SATB2: variants seen among roughly 807,000 people sequenced by gnomAD.
The protein encoded by SATB2 is DNA-binding protein SATB2.
Under a neutral mutation model 73.4 loss-of-function variants are expected in SATB2, and 1 was observed. That is an observed-to-expected ratio of 0.01 (90% CI 0.00 to 0.06). The LOEUF (loss-of-function observed/expected upper bound fraction) is 0.06, where lower values mean the gene tolerates loss of function less well. SATB2 is among the 10% of genes least tolerant of loss of function. The probability of loss-of-function intolerance (pLI) is 1.00; values close to 1 mark genes in which losing one functional copy is unlikely to be tolerated. For synonymous variants in SATB2, 397 were observed against 367.0 expected, an observed-to-expected ratio of 1.08 and a Z score of -0.93; for missense variants, 459 against 945.8, an observed-to-expected ratio of 0.49 and a Z score of 6.75.
At chr2:199,427,803 A>C (rs1030250424) in intron 3 of SATB2, among the ~76,000 whole-genome samples, 5 of 152,160 alleles carry the variant, frequency 3.3e-5, no homozygotes, top group African/African-American at 1.2e-4. Context: ...ATTTAAACTG[A>C]AAGAATATTC....
intron 3 of SATB2, among the ~76,000 whole-genome samples, chr2:199,391,769 C>G (rs901314237): frequency 9.2e-5 from 14 of 152,074 alleles, no homozygotes; most frequent in African/African-American, 1.4e-4. Context: ...TCACAACATA[C>G]ATGGTGATAA....
chr2:199,365,808 G>C (rs1176491216), intron 6 of SATB2, among the ~76,000 whole-genome samples: 1 of 151,616 alleles, frequency 6.6e-6, no homozygotes, highest in East Asian at 1.9e-4. Context: ...CCTTCCAGTA[G>C]ACTTTTATTT....
Position 199,308,053 on chromosome 2 carries a change from G to A in SATB2, c.1740+707C>T, listed in dbSNP as rs1687485764. Among the ~76,000 whole-genome samples, 2 of 152,052 alleles carry A rather than the reference G, an allele frequency of 1.3e-5. No homozygotes were observed. Among genetic ancestry groups the A allele is most frequent in the Non-Finnish European group, 2.9e-5 (2 of 67,998 alleles). ...GCCAAACTCTAGGGGGTCTAACGTT[G>A]GAAACCTCAACTAATATTTCTTCTT... On this transcript the variant is annotated intron_variant, in intron 10 of 10. Transcript: ENST00000417098. This position sits in a 1 kb window ranked among gnomAD's most constrained non-coding sequence, Gnocchi z 4.6.
chr2:199,436,555 A>T (rs777776514), intron 2 of SATB2, among the ~76,000 whole-genome samples: 15 of 152,218 alleles, frequency 9.9e-5, no homozygotes, highest in Non-Finnish European at 1.9e-4. Context: ...GAAGAATATC[A>T]TAAAGGGCTT....
At position 199,272,692 on chromosome 2, in the gene SATB2, A is replaced by G. The variant is rs1692197536; in HGVS notation, c.1741-20T>C. On this transcript the variant is annotated intron_variant, in intron 10 of 10. Coordinates refer to ENST00000417098, the MANE Select transcript of SATB2 (RefSeq NM_001172509.2). The surrounding 1 kb of genome is among the most constrained non-coding windows in gnomAD (Gnocchi z 6.7). ...AAGTACCTGATAATTAAGAGAGAAA[A>G]AAATGAACACTGGACTCATGATTTT... The G allele has an allele frequency of 6.2e-7, 1 of 1,602,724 alleles. No individual in the cohort carries two copies. The highest frequency in any genetic ancestry group is 8.5e-7 in the Non-Finnish European group (1 of 1,169,610).
chr2:199,273,550 T>C (rs1052356244), intron 10 of SATB2, among the ~76,000 whole-genome samples: 4 of 152,188 alleles, frequency 2.6e-5, no homozygotes, highest in African/African-American at 2.4e-5. Context: ...TAGTTTTGAG[T>C]CTTTTGATTT....
At chr2:199,461,618 CCT>C (rs1425626795), upstream of SATB2, among the ~76,000 whole-genome samples, 7 of 152,172 alleles carry the variant, frequency 4.6e-5, no homozygotes, top group African/African-American at 1.4e-4. Flanking sequence ...CATTTTTATC[CCT>C]CAGTTTCCTT....
chr2:199,388,575 T>G (rs1234660050), intron 3 of SATB2, among the ~76,000 whole-genome samples: 1 of 152,154 alleles, frequency 6.6e-6, no homozygotes, highest in East Asian at 1.9e-4. Flanking sequence ...CAGCAAGATA[T>G]CCAGCAGTAT....
chr2:199,355,203 GTATATA>G (rs1342452403), intron 6 of SATB2, among the ~76,000 whole-genome samples: 1 of 147,328 alleles, frequency 6.8e-6, no homozygotes, highest in African/African-American at 2.5e-5. Context: ...CACTATATAT[GTATATA>G]TATATAGTGT....
intron 3 of SATB2, among the ~76,000 whole-genome samples, chr2:199,429,829 G>A (rs888766396): frequency 1.2e-4 from 19 of 152,210 alleles, no homozygotes; most frequent in Admixed American, 2.6e-4. Flanking sequence ...AGAATCGCCT[G>A]AAACCGGCAG....
intron 3 of SATB2, chr2:199,397,396 G>T: frequency 6.6e-6 from 1 of 152,432 alleles, no homozygotes; most frequent in South Asian, 2.1e-4. Flanking sequence ...AAGTCATTCA[G>T]TTCAAGTATG....
chr2:199,322,503 TTA>T (rs1467111466), intron 9 of SATB2, among the ~76,000 whole-genome samples: 1 of 152,202 alleles, frequency 6.6e-6, no homozygotes, highest in Non-Finnish European at 1.5e-5. Flanking sequence ...TGGTTGGACA[TTA>T]TGTCTTAGCA....
At chr2:199,352,700 T>C (rs377413294) in intron 6 of SATB2, among the ~76,000 whole-genome samples, 4 of 152,064 alleles carry the variant, frequency 2.6e-5, no homozygotes, top group African/African-American at 7.2e-5. Context: ...AAGAACTAGG[T>C]GGAGGAGGGA....
intron 3 of SATB2, 92 bp from the exon 4 acceptor site, chr2:199,381,912 T>C: frequency 5.6e-6 from 8 of 1,431,504 alleles, no homozygotes; most frequent in South Asian, 3.6e-5. Context: ...CATTCAATCA[T>C]CAACATCCAA....
chr2:199,439,030 T>G (rs1691731816), intron 2 of SATB2, among the ~76,000 whole-genome samples: 1 of 152,226 alleles, frequency 6.6e-6, no homozygotes, highest in African/African-American at 2.4e-5. Context: ...AAGGACCCTT[T>G]ACCACTTGCT....
At chr2:199,379,546 C>A (rs982718999) in intron 5 of SATB2, among the ~76,000 whole-genome samples, 3 of 152,116 alleles carry the variant, frequency 2.0e-5, no homozygotes, top group Admixed American at 6.6e-5. Flanking sequence ...AGCTAGTATG[C>A]TTAGGCAGTG....
rs1383122701 is a variant in SATB2, at chr2:199,288,048, A to G, written c.1741-15376T>C. Among the ~76,000 whole-genome samples the G allele has an allele frequency of 2.0e-5, 3 of 152,352 alleles. 1 individual carries two copies. Among genetic ancestry groups the G allele is most frequent in the Middle Eastern group, 6.8e-3 (2 of 294 alleles). On this transcript the variant is annotated intron_variant, in intron 10 of 10. Coordinates refer to ENST00000417098, the MANE Select transcript of SATB2 (RefSeq NM_001172509.2). Reference sequence around the variant, plus strand: ...CTTCAACTAAAATCTACTAGACTCTAAGAATAACACTATAAATGACAGAGG... The same window carrying G: ...CTTCAACTAAAATCTACTAGACTCTGAGAATAACACTATAAATGACAGAGG...
intron 10 of SATB2, among the ~76,000 whole-genome samples, chr2:199,292,304 C>A (rs1162119820): frequency 6.6e-6 from 1 of 152,198 alleles, no homozygotes; most frequent in East Asian, 1.9e-4. Context: ...AGACAGCTTC[C>A]TGGTTATTAT....
chr2:199,367,995 C>G lies in SATB2; in HGVS notation c.700+610G>C, dbSNP rs562408669. On this transcript the variant is annotated intron_variant, in intron 6 of 10. Transcript: ENST00000417098. Reference sequence around the variant, plus strand: ...TTAGTAGTAGTATACTATTATTTGTCAAGAGGTTACTTTGTGCCAGTATTG... The same window carrying G: ...TTAGTAGTAGTATACTATTATTTGTGAAGAGGTTACTTTGTGCCAGTATTG... Among the ~76,000 whole-genome samples the G allele has an allele frequency of 7.2e-5, 11 of 152,138 alleles. No individual in the cohort carries two copies. In the South Asian group the frequency reaches 1.7e-3, roughly 23 times the overall value.
Sources: allele counts gnomAD v4.1 joint callset (sites outside exome capture counted in the v4.1 genomes callset), GRCh38; gene constraint gnomAD v4.1.1; non-coding constraint Gnocchi (gnomAD v3.1); transcripts MANE v1.5; gene names NCBI Gene and HGNC (gene_info 2026-07-23, HGNC 2026-07-21).